Variants in NT5C3A observed in about 807,000 individuals in gnomAD.
NT5C3A encodes cytosolic 5'-nucleotidase 3A.
In NT5C3A, 23 loss-of-function variants were observed where a neutral mutation model predicts 40.0. The ratio of observed to expected loss-of-function variants is 0.58; its 90% CI spans 0.41 to 0.81. NT5C3A has a LOEUF of 0.81. NT5C3A is among the 40% of genes least tolerant of loss of function. The pLI is 0.00. For synonymous variants in NT5C3A, 130 were observed against 141.4 expected, an observed-to-expected ratio of 0.92 and a Z score of 0.57; for missense variants, 328 against 403.0, an observed-to-expected ratio of 0.81 and a Z score of 1.59.
chr7:33,027,155 A>T (rs928638010), intron 1 of NT5C3A: 4 of 370,516 alleles, frequency 1.1e-5, no homozygotes, highest in African/African-American at 8.5e-5. Flanking sequence ...CCGTAGCCTC[A>T]AACTCCTGGG....
chr7:33,019,563 AC>A, intron 6 of NT5C3A, 71 bp downstream of exon 6: 1 of 908,960 alleles, frequency 1.1e-6, no homozygotes, highest in Non-Finnish European at 1.8e-6. Context: ...TTTAAAAAGT[AC>A]AACTGACTAC....
At chr7:33,026,683 G>T in intron 2 of NT5C3A, 134 bp downstream of exon 2, 2 of 620,112 alleles carry the variant, frequency 3.2e-6, no homozygotes, top group East Asian at 3.1e-5. Context: ...AAATAGAGAT[G>T]GGGTCTCACT....
rs1226260693 is a variant in NT5C3A, at chr7:33,026,353, G to GA, written c.237+463dup. ...AACAGAGCGAGACTCCATCTCAAAA[G>GA]AAAAAAAAAAAAAAAAAAAAGAAGC... On this transcript the variant is annotated intron_variant, in intron 2 of 8. Transcript: ENST00000610140. Among the ~76,000 whole-genome samples the GA allele has an allele frequency of 1.5e-3, 144 of 94,172 alleles. 2 individuals are homozygous for GA. The highest frequency in any genetic ancestry group is 6.4e-3 in the East Asian group (18 of 2,816). 61.8% of individuals were successfully genotyped at this position (94,172 alleles called of 152,430 possible). A position where few individuals can be genotyped will look rare whatever the true frequency, so the allele number is the denominator to read the frequency against.
chr7:33,046,065 A>G (rs952909524), intron 1 of NT5C3A: 2 of 152,294 alleles, frequency 1.3e-5, no homozygotes, highest in African/African-American at 4.8e-5. Flanking sequence ...CCCAGGGACC[A>G]TAGGCGCTAG....
intron 1 of NT5C3A, chr7:33,029,461 T>C (rs142912831): frequency 5.5e-6 from 2 of 361,426 alleles, no homozygotes; most frequent in East Asian, 1.5e-4. Flanking sequence ...TCTTGACAAC[T>C]AATTTCTGTT....
intron 1 of NT5C3A, chr7:33,036,351 G>T (rs1175688373): frequency 1.0e-5 from 3 of 297,308 alleles, no homozygotes; most frequent in Non-Finnish European, 2.0e-5. Flanking sequence ...CAGCTTCCGT[G>T]GGTGGCTCCA....
intron 1 of NT5C3A, among the ~76,000 whole-genome samples, chr7:33,046,518 G>A (rs1411551974): frequency 8.5e-6 from 1 of 117,472 alleles, no homozygotes; most frequent in Non-Finnish European, 1.7e-5. Flanking sequence ...TGTGTGACAG[G>A]GGGAGGTTGT....
intron 8 of NT5C3A, among the ~76,000 whole-genome samples, chr7:33,015,382 G>A (rs1785264695): frequency 6.6e-6 from 1 of 152,080 alleles, no homozygotes; most frequent in African/African-American, 2.4e-5. Flanking sequence ...GGGCAACACA[G>A]GGAGAATTCA....
At chr7:33,062,450 G>A in intron 1 of NT5C3A, 118 bp downstream of exon 1, 1 of 909,912 alleles carries the variant, frequency 1.1e-6, no homozygotes, top group Non-Finnish European at 1.7e-6. Context: ...CAGCCTGACA[G>A]GCGACGCCGG....
At chr7:33,052,480 G>A (rs10238911) in intron 1 of NT5C3A, among the ~76,000 whole-genome samples, 91,118 of 129,736 alleles carry the variant, frequency 0.7, 31,811 homozygotes, top group Admixed American at 0.73. Flanking sequence ...AGAGAGACTC[G>A]GTCTCAAAAA....
intron 1 of NT5C3A, among the ~76,000 whole-genome samples, chr7:33,044,250 C>T (rs1448639460): frequency 1.3e-5 from 2 of 151,996 alleles, no homozygotes. Context: ...CTGGGCAACA[C>T]ATAACATGAG....
At chr7:33,036,375 T>C in intron 1 of NT5C3A, 1 of 269,116 alleles carries the variant, frequency 3.7e-6, no homozygotes, top group South Asian at 4.2e-5. Flanking sequence ...GGGCTGCTGG[T>C]GACCCATCTT....
chr7:33,057,499 G>C (rs548477909), intron 1 of NT5C3A, among the ~76,000 whole-genome samples: 1 of 152,264 alleles, frequency 6.6e-6, no homozygotes, highest in African/African-American at 2.4e-5. Context: ...TCCAGCCTGG[G>C]TGATCGAGTG....
Position 33,062,750 on chromosome 7 carries a change from C to G in NT5C3A, c.-45G>C, listed in dbSNP as rs1375761619. 1 of 1,548,994 alleles carries G rather than the reference C, an allele frequency of 6.5e-7. No individual in the cohort carries two copies. The highest frequency in any genetic ancestry group is 2.0e-5 in the Admixed American group (1 of 50,960). ...GTCCAAGCAGGAAAAAAACAGGCAG[C>G]TCGCGTAGACTGCGAGTCTCGGAAG... On this transcript the variant is annotated 5_prime_UTR_variant, in exon 1 of 9. Transcript: ENST00000610140.
At chr7:33,047,759 G>C (rs1166227190) in intron 1 of NT5C3A, among the ~76,000 whole-genome samples, 1 of 152,098 alleles carries the variant, frequency 6.6e-6, no homozygotes, top group Non-Finnish European at 1.5e-5. Flanking sequence ...TGCTCATCTA[G>C]ATTCACTTTT....
intron 1 of NT5C3A, chr7:33,038,993 T>G (rs755881731): frequency 2.3e-6 from 1 of 429,458 alleles, no homozygotes; most frequent in Non-Finnish European, 4.6e-6. Flanking sequence ...CTGGAAAATG[T>G]GGAAACTGGA....
chr7:33,025,508 T>C, intron 2 of NT5C3A, among the ~76,000 whole-genome samples: 1 of 152,318 alleles, frequency 6.6e-6, no homozygotes, highest in African/African-American at 2.4e-5. Flanking sequence ...TTAATTTACA[T>C]GTAACACATT....
chr7:33,025,761 G>A (rs1205158326), intron 2 of NT5C3A, among the ~76,000 whole-genome samples: 1 of 152,140 alleles, frequency 6.6e-6, no homozygotes, highest in Non-Finnish European at 1.5e-5. Flanking sequence ...TATTCTGTCT[G>A]TTTTAGAACA....
intron 1 of NT5C3A, among the ~76,000 whole-genome samples, chr7:33,033,164 T>C (rs1786377808): frequency 6.6e-6 from 1 of 152,252 alleles, no homozygotes; most frequent in African/African-American, 2.4e-5. Context: ...CAGAGAAATA[T>C]TCTTTCTTGG....
Sources: allele counts gnomAD v4.1 joint callset (sites outside exome capture counted in the v4.1 genomes callset), GRCh38; gene constraint gnomAD v4.1.1; transcripts MANE v1.5; gene names NCBI Gene and HGNC (gene_info 2026-07-23, HGNC 2026-07-21).